PTPN9: variants seen among roughly 807,000 people sequenced by gnomAD.
The protein encoded by PTPN9 is protein tyrosine phosphatase non-receptor type 9.
Under a neutral mutation model 69.8 loss-of-function variants are expected in PTPN9, and 26 were observed. That is an observed-to-expected ratio of 0.37 (90% CI 0.27 to 0.52). The LOEUF (loss-of-function observed/expected upper bound fraction) is 0.52, where lower values mean the gene tolerates loss of function less well. PTPN9 is among the 20% of genes least tolerant of loss of function. PTPN9 has a pLI of 0.91. For missense variants in PTPN9, 549 were observed against 740.3 expected, an observed-to-expected ratio of 0.74 and a Z score of 3.00; for synonymous variants, 274 against 272.5, an observed-to-expected ratio of 1.01 and a Z score of -0.05.
intron 1 of PTPN9, among the ~76,000 whole-genome samples, chr15:75,540,560 AAAGAAAGAAAG>A (rs2075004087): frequency 6.1e-5 from 2 of 32,684 alleles, no homozygotes; most frequent in African/African-American, 2.1e-4. Flanking sequence ...AAAAAAAAAA[AAAGAAAGAAAG>A]AAAGAAAGAA....
At chr15:75,498,397 G>C (rs1173789299) in intron 7 of PTPN9, among the ~76,000 whole-genome samples, 1 of 151,888 alleles carries the variant, frequency 6.6e-6, no homozygotes, top group East Asian at 1.9e-4. Flanking sequence ...TGGGGAGGTG[G>C]TGGGAAGGAG....
chr15:75,472,705 G>A (rs2074574202), intron 10 of PTPN9, among the ~76,000 whole-genome samples: 1 of 151,458 alleles, frequency 6.6e-6, no homozygotes, highest in African/African-American at 2.4e-5. Context: ...CTTGAACCCA[G>A]GAGGCAAGGG....
chr15:75,531,361 C>G (rs1184182952), intron 1 of PTPN9, among the ~76,000 whole-genome samples: 1 of 152,046 alleles, frequency 6.6e-6, no homozygotes, highest in African/African-American at 2.4e-5. Flanking sequence ...CCAGCTGAAG[C>G]CACGCCAGAG....
chr15:75,566,831 G>GA (rs1275823381), intron 1 of PTPN9, among the ~76,000 whole-genome samples: 4 of 151,286 alleles, frequency 2.6e-5, no homozygotes, highest in Admixed American at 6.6e-5. Flanking sequence ...CTATTAATGA[G>GA]AAAAAAAAAT....
intron 7 of PTPN9, among the ~76,000 whole-genome samples, chr15:75,503,408 C>T (rs1338505845): frequency 1.6e-4 from 23 of 146,088 alleles, no homozygotes; most frequent in Non-Finnish European, 2.6e-4. Flanking sequence ...AGCATCCGCC[C>T]CATCTGAGAA....
chr15:75,517,492 C>T (rs2074876666), intron 4 of PTPN9, 128 bp from the exon 5 acceptor site: 1 of 620,438 alleles, frequency 1.6e-6, no homozygotes, highest in Non-Finnish European at 2.8e-6. Flanking sequence ...TGCCTGACTG[C>T]ACACTGGTCT....
chr15:75,536,462 C>G (rs1269834649), intron 1 of PTPN9, among the ~76,000 whole-genome samples: 1 of 152,098 alleles, frequency 6.6e-6, no homozygotes, highest in Admixed American at 6.6e-5. Context: ...GATTCAAACT[C>G]TCTCTATGGA....
At chr15:75,491,751 C>T (rs2074712071) in intron 7 of PTPN9, among the ~76,000 whole-genome samples, 1 of 70,070 alleles carries the variant, frequency 1.4e-5, no homozygotes, top group African/African-American at 8.6e-5. Flanking sequence ...GATGAGGTCT[C>T]AGACAGAGAT....
At chr15:75,569,870 G>A (rs1363342378) in intron 1 of PTPN9, among the ~76,000 whole-genome samples, 1 of 151,784 alleles carries the variant, frequency 6.6e-6, no homozygotes, top group African/African-American at 2.4e-5. Context: ...TCACCAGGCT[G>A]GAGGGCAGTG....
At chr15:75,576,187 A>AGGC (rs1164360837) in intron 1 of PTPN9, among the ~76,000 whole-genome samples, 1 of 151,764 alleles carries the variant, frequency 6.6e-6, no homozygotes, top group Non-Finnish European at 1.5e-5. Context: ...AGCCGAGATC[A>AGGC]CAACGCTACA....
intron 1 of PTPN9, among the ~76,000 whole-genome samples, chr15:75,564,349 C>T (rs929177675): frequency 2.0e-5 from 3 of 152,110 alleles, no homozygotes. Flanking sequence ...AATCCCAGCA[C>T]TTCTGGAGGC....
At chr15:75,504,119 A>G (rs1595955257) in intron 7 of PTPN9, among the ~76,000 whole-genome samples, 1 of 99,272 alleles carries the variant, frequency 1.0e-5, no homozygotes, top group Non-Finnish European at 2.0e-5. Flanking sequence ...CCCGTCCGGG[A>G]GGGAGGTGGG....
chr15:75,545,512 CATG>C (rs1337523336), intron 1 of PTPN9, among the ~76,000 whole-genome samples: 1 of 152,078 alleles, frequency 6.6e-6, no homozygotes, highest in Non-Finnish European at 1.5e-5. Flanking sequence ...AGGAAAATAA[CATG>C]AGAAGAAAAG....
At chr15:75,533,288 GGTT>G (rs2074970702) in intron 1 of PTPN9, among the ~76,000 whole-genome samples, 1 of 152,168 alleles carries the variant, frequency 6.6e-6, no homozygotes, top group South Asian at 2.1e-4. Flanking sequence ...TTTTGAGACA[GGTT>G]GTTGCTTTGT....
chr15:75,520,815 T>C (rs1311558965), intron 4 of PTPN9, among the ~76,000 whole-genome samples: 1 of 151,892 alleles, frequency 6.6e-6, no homozygotes, highest in Non-Finnish European at 1.5e-5. Flanking sequence ...AGAATATATA[T>C]ATTTTTAAGA....
At chr15:75,494,063 A>G (rs571987099) in intron 7 of PTPN9, among the ~76,000 whole-genome samples, 2 of 151,000 alleles carry the variant, frequency 1.3e-5, no homozygotes, top group South Asian at 4.2e-4. Context: ...TACTTGTAAC[A>G]AAGACTGTAA....
intron 1 of PTPN9, among the ~76,000 whole-genome samples, chr15:75,570,725 T>C (rs983529310): frequency 1.3e-5 from 2 of 151,688 alleles, no homozygotes; most frequent in Admixed American, 1.3e-4. Flanking sequence ...CAATGAGTTA[T>C]GATCATGCCA....
intron 7 of PTPN9, among the ~76,000 whole-genome samples, chr15:75,503,622 C>T (rs1176830339): frequency 2.2e-5 from 3 of 139,314 alleles, no homozygotes; most frequent in Admixed American, 6.9e-5. Context: ...CCCGGCCAGC[C>T]GCCCCGTCCG....
At chr15:75,565,096 G>A (rs188655788) in intron 1 of PTPN9, among the ~76,000 whole-genome samples, 61 of 139,024 alleles carry the variant, frequency 4.4e-4, no homozygotes, top group African/African-American at 1.6e-3. Context: ...AAAAGACTCC[G>A]TCTCAAAAAA....
Sources: allele counts gnomAD v4.1 joint callset (sites outside exome capture counted in the v4.1 genomes callset), GRCh38; gene constraint gnomAD v4.1.1; transcripts MANE v1.5; gene names NCBI Gene and HGNC (gene_info 2026-07-23, HGNC 2026-07-21).